Variants in UGCG observed in about 807,000 individuals in gnomAD.
UGCG encodes the protein UDP-glucose ceramide glucosyltransferase.
Under a neutral mutation model 49.5 loss-of-function variants are expected in UGCG, and 10 were observed. That is an observed-to-expected ratio of 0.20 (90% CI 0.12 to 0.34). The LOEUF (loss-of-function observed/expected upper bound fraction) is 0.34. UGCG is among the 10% of genes least tolerant of loss of function. The pLI, the probability that UGCG is intolerant of heterozygous loss-of-function variation, is 1.00. For synonymous variants in UGCG, 182 were observed against 158.2 expected (o/e 1.15, Z -1.13); for missense variants, 312 against 483.7 (o/e 0.65, Z 3.33).
At position 111,914,684 on chromosome 9, in the gene UGCG, A is replaced by G. The variant is rs1180494318; in HGVS notation, c.178A>G (p.Lys60Glu). 6.2e-7 allele frequency: 1 copy of G among 1,614,162 alleles called. No individual in the cohort carries two copies. Among genetic ancestry groups the G allele is most frequent in the South Asian group, 1.1e-5 (1 of 91,084 alleles). The change falls in exon 2 of 9, where the codon AAA (lysine) becomes GAA (glutamate). Residue 60 changes from lysine to glutamate, a missense_variant. Lys to Glu is a moderately conservative substitution (Grantham distance 56). Coordinates refer to ENST00000374279, the MANE Select transcript of UGCG (RefSeq NM_003358.3). ...LPGVSLLKPL[K>E]GVDPNLINNL... The stretch of plus-strand genomic sequence containing the variant: ...AGGTGTCTCTCTTCTGAAACCACTG[A>G]AAGGGGTAGATCCTAACTTAATCAA...
intron 5 of UGCG, among the ~76,000 whole-genome samples, chr9:111,927,100 A>G (rs1417857822): frequency 6.6e-6 from 1 of 151,596 alleles, no homozygotes; most frequent in African/African-American, 2.4e-5. Context: ...CAAACTCCTG[A>G]CCTCAAGTGA....
At chr9:111,905,983 C>T (rs747292440) in intron 1 of UGCG, among the ~76,000 whole-genome samples, 8 of 152,140 alleles carry the variant, frequency 5.3e-5, no homozygotes, top group Non-Finnish European at 1.2e-4. Context: ...TATTGCTTTG[C>T]TGGGCTCTGG....
intron 5 of UGCG, among the ~76,000 whole-genome samples, chr9:111,927,207 C>G (rs1241699207): frequency 1.3e-5 from 2 of 152,008 alleles, no homozygotes; most frequent in Admixed American, 1.3e-4. Flanking sequence ...CAAAGTATTT[C>G]AAATATACAC....
At chr9:111,912,052 A>ATATATATATATC (rs1160352827) in intron 1 of UGCG, among the ~76,000 whole-genome samples, 2 of 142,852 alleles carry the variant, frequency 1.4e-5, no homozygotes, top group Non-Finnish European at 3.0e-5. Flanking sequence ...ATATATATAT[A>ATATATATATATC]TCCTGTTGAA....
rs1838464783 is a variant in UGCG at position 111,933,545 on chromosome 9, A to G, written c.*548A>G. 6.6e-6 allele frequency: 1 copy of G among 152,214 alleles called. No homozygotes were observed. The allele number at this position is 152,214 out of a possible 1,614,324, so 9.4% of individuals were successfully genotyped here. ...CTCTTGTAGTTGTTGCAGAGCAAAT[A>G]TAAATTGTAATAAGATAGCTAGGCC... On this transcript the variant is annotated 3_prime_UTR_variant, in exon 9 of 9. Coordinates refer to ENST00000374279, the MANE Select transcript of UGCG (RefSeq NM_003358.3).
At chr9:111,927,148 G>A (rs1309125527) in intron 5 of UGCG, among the ~76,000 whole-genome samples, 1 of 151,950 alleles carries the variant, frequency 6.6e-6, no homozygotes, top group Non-Finnish European at 1.5e-5. Flanking sequence ...TGGGATTACG[G>A]GCATGAGCCA....
Position 111,897,159 on chromosome 9 carries a change from G to T in UGCG, c.-57G>T. On this transcript the variant is annotated 5_prime_UTR_variant, in exon 1 of 9. Coordinates refer to ENST00000374279, the MANE Select transcript of UGCG (RefSeq NM_003358.3). The stretch of plus-strand genomic sequence containing the variant: ...GCGCCCACCCTGTCCTCCTCCTGCG[G>T]GAGCGTTGTCCGTGTTGGCGGCCGC... 6.7e-7 allele frequency: 1 copy of T among 1,490,394 alleles called. No homozygotes were observed. The allele number at this position is 1,490,394 out of a possible 1,614,324, so 92.3% of individuals were successfully genotyped here.
intron 1 of UGCG, among the ~76,000 whole-genome samples, chr9:111,911,905 GATATATATATATATATATATATATAT>G (rs200468304): frequency 1.7e-3 from 132 of 79,130 alleles, no homozygotes; most frequent in African/African-American, 3.3e-3. Flanking sequence ...TATTCAACAG[GATATATATATATATATATATATATAT>G]ATATATATAT....
At chr9:111,928,939 G>GA (rs1838372560) in intron 5 of UGCG, among the ~76,000 whole-genome samples, 1 of 151,894 alleles carries the variant, frequency 6.6e-6, no homozygotes, top group Non-Finnish European at 1.5e-5. Flanking sequence ...AAAATACATT[G>GA]AAAAAAATGG....
At chr9:111,928,221 G>T (rs6477861) in intron 5 of UGCG, among the ~76,000 whole-genome samples, 28 of 152,048 alleles carry the variant, frequency 1.8e-4, no homozygotes, top group Admixed American at 3.9e-4. Context: ...CTTAATATTG[G>T]CTGTAAATAT....
At chr9:111,932,460 C>A in intron 8 of UGCG, 101 bp downstream of exon 8, 1 of 1,231,128 alleles carries the variant, frequency 8.1e-7, no homozygotes, top group Non-Finnish European at 1.1e-6. Context: ...CATTCTTCAG[C>A]TTCCCATTGT....
chr9:111,911,532 G>A (rs1319363115), intron 1 of UGCG, among the ~76,000 whole-genome samples: 3 of 152,020 alleles, frequency 2.0e-5, no homozygotes, highest in African/African-American at 7.2e-5. Flanking sequence ...GGCAGATGGG[G>A]GGCCAGTGGT....
intron 4 of UGCG, among the ~76,000 whole-genome samples, chr9:111,925,763 A>G (rs1413238888): frequency 2.0e-5 from 3 of 152,244 alleles, no homozygotes; most frequent in Non-Finnish European, 4.4e-5. Flanking sequence ...TAAATTTTTT[A>G]TTAGCTTAAA....
Position 111,932,808 on chromosome 9 carries a change from T to A in UGCG, c.1015-19T>A, listed in dbSNP as rs531962649. The A allele has an allele frequency of 4.4e-4, 660 of 1,516,772 alleles. 2 individuals are homozygous for A. Among genetic ancestry groups the A allele is most frequent in the African/African-American group, 3.5e-3 (250 of 71,212 alleles). 94.0% of individuals were successfully genotyped at this position (1,516,772 alleles called of 1,614,324 possible). A position where few individuals can be genotyped will look rare whatever the true frequency, so the allele number is the denominator to read the frequency against. On this transcript the variant is annotated intron_variant, in intron 8 of 8. Transcript: ENST00000374279. Reference sequence around the variant, plus strand: ...TTTGACAGTGAGTGAAATTAAAAAATTTTTTTTTCCATTCCTAGGGTGGCA... The same window carrying A: ...TTTGACAGTGAGTGAAATTAAAAAAATTTTTTTTCCATTCCTAGGGTGGCA...
intron 2 of UGCG, among the ~76,000 whole-genome samples, chr9:111,919,339 C>T (rs1305897274): frequency 2.0e-5 from 3 of 151,982 alleles, no homozygotes; most frequent in African/African-American, 7.2e-5. Context: ...AAAAATTAGC[C>T]AGGTGTGGTG....
intron 2 of UGCG, among the ~76,000 whole-genome samples, chr9:111,917,747 C>G (rs1224438894): frequency 6.6e-6 from 1 of 152,184 alleles, no homozygotes; most frequent in Non-Finnish European, 1.5e-5. Flanking sequence ...CTGTATTCAT[C>G]TTACAAGTCT....
In UGCG at chr9:111,906,586, T is replaced by C. The variant is rs557721239; in HGVS notation, c.99-8019T>C. On this transcript the variant is annotated intron_variant, in intron 1 of 8. Transcript: ENST00000374279. ...CTGGGATTACAGGTGTGCGCCACCA[T>C]GCCTGGCTAATTTTTGTATTTTTAG... Among the ~76,000 whole-genome samples the C allele has an allele frequency of 2.0e-5, 3 of 152,062 alleles. No individual in the cohort carries two copies. The East Asian group carries it at 5.8e-4, about 29-fold the overall frequency.
chr9:111,903,478 T>G (rs558491460), intron 1 of UGCG, among the ~76,000 whole-genome samples: 11 of 152,162 alleles, frequency 7.2e-5, no homozygotes, highest in Non-Finnish European at 1.2e-4. Flanking sequence ...GACAGGAGAA[T>G]CGCTTGAACC....
At chr9:111,929,729 G>T (rs774466294) in intron 6 of UGCG, 51 bp downstream of exon 6, 2 of 1,591,530 alleles carry the variant, frequency 1.3e-6, no homozygotes, top group South Asian at 2.3e-5. Flanking sequence ...ACTTCTGTTG[G>T]TTTATTCTTT....
Sources: allele counts gnomAD v4.1 joint callset (sites outside exome capture counted in the v4.1 genomes callset), GRCh38; gene constraint gnomAD v4.1.1; transcripts MANE v1.5; gene names NCBI Gene and HGNC (gene_info 2026-07-23, HGNC 2026-07-21).